Variants in XKR4 observed in about 807,000 individuals in gnomAD.
XKR4 encodes XK-related protein 4.
In XKR4, 12 loss-of-function variants were observed where a neutral mutation model predicts 53.9. The observed-to-expected ratio is 0.22, with a 90% CI of 0.14 to 0.36. The LOEUF (loss-of-function observed/expected upper bound fraction) is 0.36, where lower values mean the gene tolerates loss of function less well. Among genes scored for constraint, XKR4 ranks in the 10% least tolerant of loss-of-function variants. The pLI, the probability that XKR4 is intolerant of heterozygous loss-of-function variation, is 1.00. For synonymous variants in XKR4, 354 were observed against 362.4 expected, an observed-to-expected ratio of 0.98 and a Z score of 0.26; for missense variants, 799 against 859.5, an observed-to-expected ratio of 0.93 and a Z score of 0.88.
Position 55,534,214 on chromosome 8 carries a change from G to C in XKR4, c.*9987G>C, listed in dbSNP as rs1295107462. The C allele has an allele frequency of 6.6e-6, 1 of 151,930 alleles. No homozygotes were observed. Among genetic ancestry groups the C allele is most frequent in the Non-Finnish European group, 1.5e-5 (1 of 68,016 alleles). The allele number at this position is 151,930 out of a possible 1,614,324, so 9.4% of individuals were successfully genotyped here. A position where few individuals can be genotyped will look rare whatever the true frequency, so the allele number is the denominator to read the frequency against. ...CAGAGGTAAAATCTGCATGGGTGCA[G>C]CTACTGAATAATTTGATTCCTGCCT... On this transcript the variant is annotated 3_prime_UTR_variant, in exon 3 of 3. Transcript: ENST00000327381.
chr8:55,368,071 G>A (rs2658912), intron 2 of XKR4, among the ~76,000 whole-genome samples: 13,902 of 151,840 alleles, frequency 0.092, 715 homozygotes, highest in South Asian at 0.12. Flanking sequence ...AGCGATTCCC[G>A]TGCCTCAGCC....
chr8:55,477,378 A>G (rs1438955801), intron 2 of XKR4, among the ~76,000 whole-genome samples: 1 of 152,128 alleles, frequency 6.6e-6, no homozygotes, highest in African/African-American at 2.4e-5. Flanking sequence ...ACAAACAGAA[A>G]GTACATCCAC....
chr8:55,233,043 G>A (rs1415730437), intron 1 of XKR4, among the ~76,000 whole-genome samples: 1 of 152,212 alleles, frequency 6.6e-6, no homozygotes, highest in Non-Finnish European at 1.5e-5. Flanking sequence ...GAGGAAGTAG[G>A]TATCTGGAGG....
chr8:55,296,330 A>T (rs1819100951), intron 1 of XKR4, among the ~76,000 whole-genome samples: 1 of 152,170 alleles, frequency 6.6e-6, no homozygotes, highest in Admixed American at 6.5e-5. Flanking sequence ...TGAGGCTGCA[A>T]AATGGAGTCT....
chr8:55,478,633 G>A (rs1343751486), intron 2 of XKR4, among the ~76,000 whole-genome samples: 2 of 152,142 alleles, frequency 1.3e-5, no homozygotes, highest in Non-Finnish European at 2.9e-5. Context: ...AGACCCATCA[G>A]TGTGCTGTAT....
chr8:55,167,668 C>T (rs1398564491), intron 1 of XKR4, among the ~76,000 whole-genome samples: 36 of 152,106 alleles, frequency 2.4e-4, no homozygotes, highest in Non-Finnish European at 4.4e-5. Context: ...ATTAGTGTTG[C>T]ACTAACTAGT....
At chr8:55,191,531 T>C (rs1479856110) in intron 1 of XKR4, among the ~76,000 whole-genome samples, 2 of 152,190 alleles carry the variant, frequency 1.3e-5, no homozygotes, top group African/African-American at 4.8e-5. Flanking sequence ...AAGTGTTCAC[T>C]GAAATGGTCT....
chr8:55,140,670 T>C (rs1816690706), intron 1 of XKR4, among the ~76,000 whole-genome samples: 1 of 152,232 alleles, frequency 6.6e-6, no homozygotes, highest in African/African-American at 2.4e-5. Flanking sequence ...GTATCAGATG[T>C]CTGGAGTGTT....
At chr8:55,491,892 A>G (rs1806277820) in intron 2 of XKR4, among the ~76,000 whole-genome samples, 1 of 152,152 alleles carries the variant, frequency 6.6e-6, no homozygotes, top group African/African-American at 2.4e-5. Flanking sequence ...ATTTTTGCCT[A>G]GTTTATGCAT....
At chr8:55,221,150 T>C (rs1354004179) in intron 1 of XKR4, among the ~76,000 whole-genome samples, 1 of 152,220 alleles carries the variant, frequency 6.6e-6, no homozygotes, top group African/African-American at 2.4e-5. Flanking sequence ...CCAGCCCTGC[T>C]GGTTGGAGTA....
intron 1 of XKR4, among the ~76,000 whole-genome samples, chr8:55,121,540 G>A (rs905315470): frequency 6.6e-6 from 1 of 151,188 alleles, no homozygotes; most frequent in African/African-American, 2.5e-5. Flanking sequence ...GATGAGAAAT[G>A]GATAAAATAA....
intron 1 of XKR4, among the ~76,000 whole-genome samples, chr8:55,119,948 G>T (rs536088379): frequency 2.6e-5 from 4 of 152,188 alleles, no homozygotes; most frequent in Non-Finnish European, 5.9e-5. Context: ...GTAAATGCAG[G>T]CTGGGCAATT....
intron 1 of XKR4, among the ~76,000 whole-genome samples, chr8:55,169,730 C>A (rs1402726533): frequency 6.6e-6 from 1 of 152,206 alleles, no homozygotes; most frequent in Admixed American, 6.5e-5. Flanking sequence ...GTATTAAACT[C>A]TTTCGTTAAT....
chr8:55,506,665 A>G (rs745392244), intron 2 of XKR4, among the ~76,000 whole-genome samples: 1 of 152,168 alleles, frequency 6.6e-6, no homozygotes, highest in Non-Finnish European at 1.5e-5. Context: ...AGAAAAGCTG[A>G]TTTTGTGCCT....
At chr8:55,454,518 G>T (rs1368788673) in intron 2 of XKR4, 2 of 1,321,516 alleles carry the variant, frequency 1.5e-6, no homozygotes, top group Non-Finnish European at 2.1e-6. Context: ...ATGCCCAGCT[G>T]GCGGAAGAGC....
intron 2 of XKR4, among the ~76,000 whole-genome samples, chr8:55,476,477 T>G (rs1485688311): frequency 6.6e-6 from 1 of 152,114 alleles, no homozygotes; most frequent in African/African-American, 2.4e-5. Context: ...GCTCCCAGCG[T>G]GAGCGACACA....
chr8:55,322,471 A>T (rs984936557), intron 1 of XKR4, among the ~76,000 whole-genome samples: 9 of 152,244 alleles, frequency 5.9e-5, no homozygotes, highest in African/African-American at 1.7e-4. Context: ...ACAAATGTTC[A>T]AACATTTCTG....
At chr8:55,484,677 G>T (rs1806166765) in intron 2 of XKR4, among the ~76,000 whole-genome samples, 1 of 152,250 alleles carries the variant, frequency 6.6e-6, no homozygotes, top group African/African-American at 2.4e-5. Flanking sequence ...GCTTTTGGGT[G>T]AGATTGACAT....
chr8:55,365,236 G>A (rs994173866), intron 2 of XKR4, among the ~76,000 whole-genome samples: 2 of 152,220 alleles, frequency 1.3e-5, no homozygotes, highest in East Asian at 1.9e-4. Flanking sequence ...GCTGGCTGCC[G>A]CTGGCCCTTC....
Sources: allele counts gnomAD v4.1 joint callset (sites outside exome capture counted in the v4.1 genomes callset), GRCh38; gene constraint gnomAD v4.1.1; transcripts MANE v1.5; gene names NCBI Gene and HGNC (gene_info 2026-07-23, HGNC 2026-07-21).